PTK2B: variants seen among roughly 807,000 people sequenced by gnomAD.
PTK2B encodes protein tyrosine kinase 2 beta.
PTK2B carries 71 observed loss-of-function variants against 142.9 expected under a neutral mutation model. The observed-to-expected ratio is 0.50, with a 90% confidence interval of 0.41 to 0.61. The LOEUF (loss-of-function observed/expected upper bound fraction) is 0.61. Ranked by LOEUF, PTK2B falls within the 20% of genes least tolerant of loss-of-function variation. PTK2B has a pLI of 0.00. For synonymous variants in PTK2B, 519 were observed against 503.4 expected, an observed-to-expected ratio of 1.03 and a Z score of -0.42; for missense variants, 1,105 against 1,320.4, an observed-to-expected ratio of 0.84 and a Z score of 2.53.
chr8:27,354,258 G>A (rs777001515), intron 1 of PTK2B, among the ~76,000 whole-genome samples: 5 of 152,088 alleles, frequency 3.3e-5, no homozygotes, highest in Non-Finnish European at 7.4e-5. Flanking sequence ...GGCTAAGATC[G>A]TGTGTCCATT....
At position 27,436,302 on chromosome 8, in the gene PTK2B, G is replaced by C; in HGVS notation, c.1295G>C (p.Gly432Ala). The change falls in exon 15 of 31, where the codon GGG (glycine) becomes GCG (alanine). Residue 432 changes from glycine to alanine, a missense_variant. Coordinates refer to ENST00000346049, the MANE Select transcript of PTK2B (RefSeq NM_173176.3). ...REDVVLNRIL[G>A]EGFFGEVYEG... ...GATGTGGTCCTGAATCGTATTCTTG[G>C]GGAAGGCTTTTTTGGGGAGGTCTAT... The C allele has an allele frequency of 6.2e-7, 1 of 1,614,154 alleles. No individual in the cohort carries two copies. The highest frequency in any genetic ancestry group is 1.1e-5 in the South Asian group (1 of 91,078).
intron 3 of PTK2B, among the ~76,000 whole-genome samples, chr8:27,319,479 A>G (rs1356121507): frequency 6.6e-6 from 1 of 151,890 alleles, no homozygotes; most frequent in Non-Finnish European, 1.5e-5. Context: ...CGTCTCTACT[A>G]AAAATACAAA....
In PTK2B at chr8:27,377,314, C is replaced by A. The variant is rs73681110; in HGVS notation, c.-37-20234C>A. 6.2e-3 allele frequency among the ~76,000 whole-genome samples: 949 copies of A among 152,256 alleles called. 11 individuals are homozygous for A. Among genetic ancestry groups the A allele is most frequent in the African/African-American group, 0.022 (923 of 41,544 alleles). ...AGTGTTGGGTATGTGTAGTTTACCA[C>A]GTACATGATGGATATTATTTTTACT... On this transcript the variant is annotated intron_variant, in intron 1 of 30. Transcript: ENST00000346049.
In PTK2B at chr8:27,430,537, T is replaced by C. The variant is rs576738661; in HGVS notation, c.669+119T>C. The C allele has an allele frequency of 2.4e-4, 316 of 1,344,122 alleles. 3 individuals are homozygous for C. In the South Asian group the frequency reaches 3.7e-3, roughly 16 times the overall value. The allele number at this position is 1,344,122 out of a possible 1,614,324, so 83.3% of individuals were successfully genotyped here. The stretch of plus-strand genomic sequence containing the variant: ...AGGGTATCTGCGCGGCCTCGGGCAT[T>C]TGGACACAGGACCACTAAATGTACC... On this transcript the variant is annotated intron_variant, in intron 7 of 30. Coordinates refer to ENST00000346049, the MANE Select transcript of PTK2B (RefSeq NM_173176.3).
intron 2 of PTK2B, among the ~76,000 whole-genome samples, chr8:27,406,839 C>T (rs1339083131): frequency 6.6e-6 from 1 of 152,188 alleles, no homozygotes; most frequent in Non-Finnish European, 1.5e-5. Context: ...TAAAACTTTA[C>T]CTGTCATGTT....
At chr8:27,374,388 C>A (rs1404223091) in intron 1 of PTK2B, among the ~76,000 whole-genome samples, 1 of 152,194 alleles carries the variant, frequency 6.6e-6, no homozygotes, top group African/African-American at 2.4e-5. Flanking sequence ...ATTCACAGAC[C>A]CCTCACAACA....
intron 1 of PTK2B, among the ~76,000 whole-genome samples, chr8:27,370,538 G>A (rs1454086701): frequency 6.6e-6 from 1 of 152,134 alleles, no homozygotes; most frequent in Non-Finnish European, 1.5e-5. Flanking sequence ...CCTTACCTGT[G>A]GTTGGTATGA....
chr8:27,337,490 C>G (rs901184250), intron 1 of PTK2B, among the ~76,000 whole-genome samples: 1 of 152,150 alleles, frequency 6.6e-6, no homozygotes, highest in East Asian at 1.9e-4. Flanking sequence ...AAAGAAACCC[C>G]CGTACCATAA....
chr8:27,410,731 C>G (rs1809007118), intron 2 of PTK2B, among the ~76,000 whole-genome samples: 1 of 152,186 alleles, frequency 6.6e-6, no homozygotes, highest in East Asian at 1.9e-4. Context: ...ACCACCTTTT[C>G]CTTTTTGGAA....
chr8:27,355,019 A>G (rs1470001973), intron 1 of PTK2B, among the ~76,000 whole-genome samples: 1 of 152,052 alleles, frequency 6.6e-6, no homozygotes, highest in Non-Finnish European at 1.5e-5. Flanking sequence ...CTGCCTCTTA[A>G]CTCCCCAGAC....
intron 1 of PTK2B, among the ~76,000 whole-genome samples, chr8:27,356,807 C>T (rs993058696): frequency 2.0e-5 from 3 of 152,194 alleles, no homozygotes; most frequent in African/African-American, 7.2e-5. Flanking sequence ...AAATGTTCAT[C>T]TCAAAAAGTC....
At chr8:27,443,035 C>T (rs1811252865) in intron 22 of PTK2B, 52 bp downstream of exon 22, 4 of 1,427,586 alleles carry the variant, frequency 2.8e-6, no homozygotes, top group Middle Eastern at 1.9e-4. Flanking sequence ...AAAGCCAGGT[C>T]CCTGTCTGAT....
chr8:27,445,390 G>A (rs889480925), intron 23 of PTK2B, among the ~76,000 whole-genome samples: 1 of 152,208 alleles, frequency 6.6e-6, no homozygotes, highest in Non-Finnish European at 1.5e-5. Flanking sequence ...CCCAGCCTGG[G>A]CAACAGAGCA....
chr8:27,434,417 C>T, intron 12 of PTK2B, 96 bp from the exon 13 acceptor site: 1 of 1,360,018 alleles, frequency 7.4e-7, no homozygotes, highest in Non-Finnish European at 1.0e-6. Flanking sequence ...GACTACTTCT[C>T]CACAGGGGGC....
At chr8:27,444,367 C>A in intron 23 of PTK2B, 96 bp downstream of exon 23, 8 of 1,371,250 alleles carry the variant, frequency 5.8e-6, no homozygotes, top group Non-Finnish European at 8.2e-6. Context: ...CAGTCACCCA[C>A]TTGGGTGATG....
chr8:27,434,470 G>C, intron 12 of PTK2B, 43 bp from the exon 13 acceptor site: 1 of 1,584,842 alleles, frequency 6.3e-7, no homozygotes. Flanking sequence ...GAACATTACC[G>C]GCCTCTGAGC....
intron 1 of PTK2B, among the ~76,000 whole-genome samples, chr8:27,395,530 G>A (rs921293294): frequency 1.2e-4 from 19 of 152,128 alleles, no homozygotes; most frequent in African/African-American, 4.1e-4. Context: ...TGTCCCCTGG[G>A]CCCTGCCATT....
intron 1 of PTK2B, among the ~76,000 whole-genome samples, chr8:27,366,117 G>A (rs992325243): frequency 1.3e-5 from 2 of 152,188 alleles, no homozygotes; most frequent in Non-Finnish European, 2.9e-5. Context: ...TACTTCCTGT[G>A]ATTGACAGGA....
chr8:27,368,840 G>A (rs1369012955), intron 1 of PTK2B, among the ~76,000 whole-genome samples: 2 of 152,146 alleles, frequency 1.3e-5, no homozygotes, highest in African/African-American at 4.8e-5. Flanking sequence ...TCATGTGCCT[G>A]CCCTGGGCCC....
Sources: gnomAD v4.1 joint callset for allele counts (sites outside exome capture counted in the v4.1 genomes callset) on GRCh38, gnomAD v4.1.1 for gene constraint, MANE v1.5 for transcripts, NCBI Gene and HGNC (gene_info 2026-07-23, HGNC 2026-07-21) for gene names.